The following PCDHA3 variants were observed in gnomAD, a reference collection of about 807,000 sequenced individuals.
PCDHA3 encodes the protein protocadherin alpha-3.
In PCDHA3, 41 loss-of-function variants were observed where a neutral mutation model predicts 62.2. The ratio of observed to expected loss-of-function variants is 0.66; its 90% CI spans 0.51 to 0.86. The LOEUF (loss-of-function observed/expected upper bound fraction) is 0.86, where lower values mean the gene tolerates loss of function less well. Among genes scored for constraint, PCDHA3 ranks in the 40% least tolerant of loss-of-function variants. The pLI is 0.00. For synonymous variants in PCDHA3, 640 were observed against 555.4 expected (o/e 1.15, Z -2.14); for missense variants, 1,304 against 1,241.2 (o/e 1.05, Z -0.76).
intron 1 of PCDHA3, chr5:140,927,305 C>A: frequency 6.2e-7 from 1 of 1,614,190 alleles, no homozygotes; most frequent in African/African-American, 1.3e-5. Flanking sequence ...GAGTTCCTGA[C>A]GCCCGGAGCC....
At chr5:140,855,253 C>A (rs2043395056) in intron 1 of PCDHA3, among the ~76,000 whole-genome samples, 2 of 149,832 alleles carry the variant, frequency 1.3e-5, no homozygotes, top group South Asian at 4.2e-4. Flanking sequence ...CAAGCACTTA[C>A]TATATTATAA....
intron 1 of PCDHA3, among the ~76,000 whole-genome samples, chr5:140,918,244 T>A (rs1554198493): frequency 6.6e-6 from 1 of 152,236 alleles, no homozygotes; most frequent in Non-Finnish European, 1.5e-5. Context: ...TGATTTTGTA[T>A]GCTGAAACTT....
intron 1 of PCDHA3, chr5:140,852,045 G>A: frequency 2.2e-6 from 2 of 919,488 alleles, no homozygotes; most frequent in Non-Finnish European, 2.6e-6. Flanking sequence ...TTTTTGTTAT[G>A]TGGTTTATAT....
At chr5:140,849,694 C>A (rs2041050724) in intron 1 of PCDHA3, 1 of 1,598,594 alleles carries the variant, frequency 6.3e-7, no homozygotes, top group African/African-American at 1.3e-5. Flanking sequence ...CTGGTGTCCA[C>A]CTACAAGAAT....
At position 140,947,043 on chromosome 5, in the gene PCDHA3, G is replaced by T. The variant is rs188994500; in HGVS notation, c.2395-31906G>T. Among the ~76,000 whole-genome samples the T allele has an allele frequency of 1.7e-3, 259 of 151,702 alleles. 2 individuals carry two copies. Among genetic ancestry groups the T allele is most frequent in the African/African-American group, 5.9e-3 (243 of 41,466 alleles). On this transcript the variant is annotated intron_variant, in intron 1 of 3. Transcript: ENST00000522353. ...AGGTAATGGATATACTAATTACCCT[G>T]ATTTGATCATTACACAGTGTATATA... is the stretch of plus-strand genomic sequence containing the variant.
intron 1 of PCDHA3, chr5:140,883,595 G>C: frequency 6.2e-7 from 1 of 1,614,036 alleles, no homozygotes; most frequent in Non-Finnish European, 8.5e-7. Flanking sequence ...CAGCGTGTCG[G>C]TGGGGGTGGC....
At chr5:140,828,922 T>G (rs1770031528) in intron 1 of PCDHA3, 3 of 1,614,078 alleles carry the variant, frequency 1.9e-6, no homozygotes, top group African/African-American at 2.7e-5. Context: ...ATGGGGCAAT[T>G]TCATATTCTT....
chr5:140,871,762 G>A (rs2053295572), intron 1 of PCDHA3, among the ~76,000 whole-genome samples: 1 of 152,200 alleles, frequency 6.6e-6, no homozygotes, highest in South Asian at 2.1e-4. Flanking sequence ...AGATGCAAGA[G>A]TGACTCTTCT....
At chr5:140,913,318 T>C (rs953831117) in intron 1 of PCDHA3, among the ~76,000 whole-genome samples, 1 of 152,188 alleles carries the variant, frequency 6.6e-6, no homozygotes, top group African/African-American at 2.4e-5. Flanking sequence ...CTTGGTAAGT[T>C]GTATGTGTCT....
chr5:140,849,741 G>A, intron 1 of PCDHA3: 2 of 1,598,488 alleles, frequency 1.3e-6, no homozygotes, highest in Non-Finnish European at 8.6e-7. Context: ...TCTGGACCGC[G>A]AGAGTGTGTC....
chr5:140,850,615 T>C, intron 1 of PCDHA3: 1 of 1,598,228 alleles, frequency 6.3e-7, no homozygotes, highest in Non-Finnish European at 8.6e-7. Flanking sequence ...ATCTGCGCGG[T>C]GTCTAGCCTG....
chr5:140,808,688 G>C, intron 1 of PCDHA3: 1 of 1,612,394 alleles, frequency 6.2e-7, no homozygotes, highest in Non-Finnish European at 8.5e-7. Context: ...GCGGGTAGGG[G>C]AGCGCGCGCT....
chr5:140,856,231 C>G, intron 1 of PCDHA3: 1 of 1,597,900 alleles, frequency 6.3e-7, no homozygotes. Flanking sequence ...TGGTGCAGCG[C>G]CTGTTCCGGG....
intron 1 of PCDHA3, chr5:140,835,971 C>A: frequency 1.2e-6 from 2 of 1,613,332 alleles, no homozygotes; most frequent in African/African-American, 1.3e-5. Context: ...GGAGCTGGAG[C>A]TGTTGCAGTT....
intron 1 of PCDHA3, chr5:140,808,708 C>T (rs1212194365): frequency 1.9e-6 from 3 of 1,612,140 alleles, no homozygotes; most frequent in Non-Finnish European, 2.5e-6. Flanking sequence ...TGTCGAGCTA[C>T]GTTTCGGTGC....
At chr5:140,881,798 A>G (rs2153381417) in intron 1 of PCDHA3, among the ~76,000 whole-genome samples, 1 of 152,372 alleles carries the variant, frequency 6.6e-6, no homozygotes, top group South Asian at 2.1e-4. Context: ...TTGTCCCAAA[A>G]CGAGTGTCGA....
chr5:140,806,027 A>G lies in PCDHA3; in HGVS notation c.2394+2436A>G, dbSNP rs117573879. Among the ~76,000 whole-genome samples the G allele has an allele frequency of 4.3e-4, 65 of 152,342 alleles. 2 individuals carry two copies. The East Asian group carries it at 0.011, about 26-fold the overall frequency. ...ACATACTCAAATGCTTATAAGAGAT[A>G]AATTAATGTAATAAATGGCCCACGC... On this transcript the variant is annotated intron_variant, in intron 1 of 3. Coordinates refer to ENST00000522353, the MANE Select transcript of PCDHA3 (RefSeq NM_018906.3).
chr5:140,804,029 C>A, intron 1 of PCDHA3: 1 of 194,462 alleles, frequency 5.1e-6, no homozygotes, highest in Non-Finnish European at 1.0e-5. Flanking sequence ...ATGAGTTCAC[C>A]TAATGCTTAT....
At chr5:140,812,568 T>C (rs1765138041) in intron 1 of PCDHA3, 1 of 152,174 alleles carries the variant, frequency 6.6e-6, no homozygotes, top group Non-Finnish European at 1.5e-5. Context: ...AGTTTTTTAT[T>C]TGAGATCTTT....
Sources: allele counts gnomAD v4.1 joint callset (sites outside exome capture counted in the v4.1 genomes callset), GRCh38; gene constraint gnomAD v4.1.1; transcripts MANE v1.5; gene names NCBI Gene and HGNC (gene_info 2026-07-23, HGNC 2026-07-21).